SOX5: variants seen among roughly 807,000 people sequenced by gnomAD.
The protein encoded by SOX5 is transcription factor SOX-5.
A neutral mutation model predicts 92.0 loss-of-function variants in SOX5; 9 were observed. The observed-to-expected ratio is 0.10, with a 90% CI of 0.06 to 0.17. SOX5 has a LOEUF of 0.17. Ranked by LOEUF, SOX5 falls within the 10% of genes least tolerant of loss-of-function variation. The probability of loss-of-function intolerance (pLI) is 1.00; values close to 1 mark genes in which losing one functional copy is unlikely to be tolerated. For synonymous variants in SOX5, 344 were observed against 336.3 expected (o/e 1.02, Z -0.25); for missense variants, 642 against 944.5 (o/e 0.68, Z 4.20).
Position 23,734,569 on chromosome 12 carries a change from G to T in SOX5, c.810+115C>A. The T allele has an allele frequency of 4.0e-6, 3 of 751,978 alleles. No homozygotes were observed. In the South Asian group the frequency reaches 5.6e-5, roughly 14 times the overall value. 46.6% of individuals were successfully genotyped at this position (751,978 alleles called of 1,614,324 possible). On this transcript the variant is annotated intron_variant, in intron 6 of 14. Transcript: ENST00000451604. ...CATGGCAGAGGAGGTGCTATGTCAT[G>T]AATTAGCTTGAAAGTCATTTTTATT... is the stretch of plus-strand genomic sequence containing the variant.
intron 4 of SOX5, among the ~76,000 whole-genome samples, chr12:24,060,219 C>A (rs1230401899): frequency 3.9e-5 from 6 of 152,208 alleles, no homozygotes; most frequent in African/African-American, 1.4e-4. Context: ...ATGTAACCTT[C>A]ACAATAGCAC....
chr12:24,053,653 A>G (rs749970329), intron 4 of SOX5, among the ~76,000 whole-genome samples: 12 of 152,202 alleles, frequency 7.9e-5, no homozygotes, highest in Non-Finnish European at 1.5e-4. Flanking sequence ...CAATTTTCCC[A>G]AAGTCATTTC....
chr12:24,275,100 GAT>G (rs1222123809), intron 3 of SOX5, among the ~76,000 whole-genome samples: 1 of 152,078 alleles, frequency 6.6e-6, no homozygotes, highest in Admixed American at 6.6e-5. Flanking sequence ...CTTGAACAGA[GAT>G]ATATATAGTG....
intron 8 of SOX5, among the ~76,000 whole-genome samples, chr12:23,635,500 ACACAC>A (rs1353180900): frequency 6.6e-6 from 1 of 151,916 alleles, no homozygotes; most frequent in African/African-American, 2.4e-5. Context: ...GGGGAACATC[ACACAC>A]CACACCGGGG....
At chr12:24,337,350 T>TTA (rs1952027416) in intron 2 of SOX5, among the ~76,000 whole-genome samples, 2 of 151,746 alleles carry the variant, frequency 1.3e-5, no homozygotes, top group Admixed American at 1.3e-4. Flanking sequence ...CTTTTTTTTT[T>TTA]TTTTAAGAGA....
At chr12:23,939,436 G>A (rs1943205804) in intron 1 of SOX5, among the ~76,000 whole-genome samples, 1 of 150,472 alleles carries the variant, frequency 6.6e-6, no homozygotes, top group Non-Finnish European at 1.5e-5. Context: ...CATTCTTTGT[G>A]CCTAAATTAA....
At chr12:24,128,560 C>T (rs142469520) in intron 4 of SOX5, among the ~76,000 whole-genome samples, 382 of 152,212 alleles carry the variant, frequency 2.5e-3, no homozygotes, top group Admixed American at 4.7e-3. Context: ...AAAAGCCAGA[C>T]GTGGTGAGGC....
chr12:23,680,317 C>A (rs1466045075), intron 6 of SOX5, among the ~76,000 whole-genome samples: 4 of 130,134 alleles, frequency 3.1e-5, no homozygotes, highest in Non-Finnish European at 6.4e-5. Flanking sequence ...CAGAGTGAGA[C>A]CTTGTCTCAA....
chr12:23,591,716 G>A (rs10771005), intron 9 of SOX5, among the ~76,000 whole-genome samples: 68,792 of 151,832 alleles, frequency 0.45, 15,989 homozygotes, highest in Middle Eastern at 0.52. Flanking sequence ...GCTCCCACTG[G>A]CTTAAAGTGA....
chr12:23,868,910 T>C (rs900803328), intron 2 of SOX5, among the ~76,000 whole-genome samples: 1 of 152,150 alleles, frequency 6.6e-6, no homozygotes, highest in Non-Finnish European at 1.5e-5. Flanking sequence ...TCAACAACTG[T>C]AGATTATAAA....
At chr12:24,410,736 G>C (rs1312657221) in intron 1 of SOX5, among the ~76,000 whole-genome samples, 1 of 152,136 alleles carries the variant, frequency 6.6e-6, no homozygotes, top group African/African-American at 2.4e-5. Flanking sequence ...TTCTGGAACT[G>C]GGTAGATTAT....
At chr12:24,011,662 G>A (rs1327726901) in intron 4 of SOX5, among the ~76,000 whole-genome samples, 2 of 152,114 alleles carry the variant, frequency 1.3e-5, no homozygotes, top group East Asian at 3.9e-4. Context: ...GGCTTGAGTT[G>A]ACTGGAGTTA....
At position 24,466,484 on chromosome 12, in the gene SOX5, G is replaced by A. The variant is rs150486527; in HGVS notation, c.-251+95845C>T. ...TTCTCATTAATTATAAGTCATCTTG[G>A]TCCTCCATGGATATTGGCACAGACA... On this transcript the variant is annotated intron_variant, in intron 1 of 4. Coordinates refer to the SOX5 transcript ENST00000446891. 2.0e-4 allele frequency among the ~76,000 whole-genome samples: 30 copies of A among 152,110 alleles called. No individual in the cohort carries two copies. The East Asian group carries it at 5.4e-3, about 27-fold the overall frequency.
chr12:23,673,494 T>A (rs1325956247), intron 6 of SOX5, among the ~76,000 whole-genome samples: 1 of 152,164 alleles, frequency 6.6e-6, no homozygotes, highest in African/African-American at 2.4e-5. Context: ...AATGGTCATT[T>A]ACAAGAAAAT....
chr12:23,940,977 T>C (rs1943525313), intron 1 of SOX5, among the ~76,000 whole-genome samples: 1 of 151,548 alleles, frequency 6.6e-6, no homozygotes. Context: ...TACTATTATA[T>C]GTTCCTGTAG....
At chr12:23,588,721 GCACA>G (rs56083228) in intron 9 of SOX5, among the ~76,000 whole-genome samples, 12,776 of 149,312 alleles carry the variant, frequency 0.086, 570 homozygotes, top group African/African-American at 0.11. Flanking sequence ...ATGGGATAGT[GCACA>G]CACACACACA....
chr12:23,540,676 G>A (rs549658686), intron 13 of SOX5, among the ~76,000 whole-genome samples: 1 of 152,244 alleles, frequency 6.6e-6, no homozygotes, highest in South Asian at 2.1e-4. Context: ...CTAGCGCCAA[G>A]CAGTAAAAGG....
At chr12:24,497,992 AATG>A (rs1279077046) in intron 1 of SOX5, among the ~76,000 whole-genome samples, 2 of 152,158 alleles carry the variant, frequency 1.3e-5, no homozygotes, top group Non-Finnish European at 2.9e-5. Context: ...ATGGGGGCTG[AATG>A]ATGAGAACAC....
At chr12:24,180,225 A>C (rs1289912659) in intron 4 of SOX5, among the ~76,000 whole-genome samples, 2 of 152,094 alleles carry the variant, frequency 1.3e-5, no homozygotes, top group African/African-American at 4.8e-5. Context: ...TGGCTTCCCA[A>C]AGGAATAAGC....
Sources: allele counts gnomAD v4.1 joint callset (sites outside exome capture counted in the v4.1 genomes callset), GRCh38; gene constraint gnomAD v4.1.1; transcripts MANE v1.5; gene names NCBI Gene and HGNC (gene_info 2026-07-23, HGNC 2026-07-21).